The following SIAH3 variants were observed in gnomAD, a reference collection of about 807,000 sequenced individuals.
SIAH3 encodes seven in absentia homolog 3.
SIAH3 carries 9 observed loss-of-function variants against 12.6 expected under a neutral mutation model. The ratio of observed to expected loss-of-function variants is 0.72; its 90% CI spans 0.43 to 1.25. SIAH3 has a LOEUF of 1.25. SIAH3 is among the 50% of genes most tolerant of loss of function. The pLI, the probability that SIAH3 is intolerant of heterozygous loss-of-function variation, is 0.00. For missense variants in SIAH3, 390 were observed against 365.4 expected, an observed-to-expected ratio of 1.07 and a Z score of -0.55; for synonymous variants, 154 against 151.1, an observed-to-expected ratio of 1.02 and a Z score of -0.14.
At chr13:45,795,212 TGGG>T (rs1950558571) in intron 1 of SIAH3, among the ~76,000 whole-genome samples, 1 of 152,072 alleles carries the variant, frequency 6.6e-6, no homozygotes, top group Non-Finnish European at 1.5e-5. Flanking sequence ...ATTCCCAGAG[TGGG>T]TACAGAAGAT....
intron 1 of SIAH3, among the ~76,000 whole-genome samples, chr13:45,794,953 T>G (rs911551166): frequency 2.9e-5 from 1 of 34,644 alleles, no homozygotes; most frequent in African/African-American, 2.1e-4. Flanking sequence ...CACTAGGACC[T>G]TTTTTTTTTT....
At chr13:45,836,711 C>T (rs1950719141) in intron 1 of SIAH3, among the ~76,000 whole-genome samples, 1 of 152,040 alleles carries the variant, frequency 6.6e-6, no homozygotes. Context: ...TGCAGTAAAC[C>T]AACATGGGAC....
chr13:45,808,619 T>C (rs982913266), intron 1 of SIAH3, among the ~76,000 whole-genome samples: 1 of 152,356 alleles, frequency 6.6e-6, no homozygotes, highest in South Asian at 2.1e-4. Context: ...AAATAAAGAA[T>C]ATTGTATATT....
intron 1 of SIAH3, among the ~76,000 whole-genome samples, chr13:45,826,445 A>ATGAGTGGGTGCGTAGG (rs750477752): frequency 2.1e-5 from 1 of 46,512 alleles, no homozygotes; most frequent in African/African-American, 1.1e-4. Flanking sequence ...GGATGCATGG[A>ATGAGTGGGTGCGTAGG]TGGATGGATG....
chr13:45,785,551 T>A (rs1304788586), intron 1 of SIAH3, among the ~76,000 whole-genome samples: 1 of 152,212 alleles, frequency 6.6e-6, no homozygotes, highest in Non-Finnish European at 1.5e-5. Flanking sequence ...ACATGCACAG[T>A]CATGCACGCA....
intron 1 of SIAH3, among the ~76,000 whole-genome samples, chr13:45,844,307 C>T (rs1950750994): frequency 6.6e-6 from 1 of 152,162 alleles, no homozygotes; most frequent in Non-Finnish European, 1.5e-5. Flanking sequence ...AAGCTGCCCT[C>T]AGTGTTGGTG....
chr13:45,841,826 C>T (rs1178980540), intron 1 of SIAH3, among the ~76,000 whole-genome samples: 2 of 152,166 alleles, frequency 1.3e-5, no homozygotes, highest in African/African-American at 2.4e-5. Flanking sequence ...TTTGTGCCAG[C>T]GCTAGAGACA....
intron 1 of SIAH3, among the ~76,000 whole-genome samples, chr13:45,814,387 A>G (rs1416313403): frequency 1.3e-5 from 2 of 152,112 alleles, no homozygotes; most frequent in African/African-American, 2.4e-5. Context: ...GAAAAGTGCC[A>G]CGGTGTGGGG....
intron 1 of SIAH3, among the ~76,000 whole-genome samples, chr13:45,790,302 GAACAA>G (rs1950541766): frequency 6.6e-6 from 1 of 152,136 alleles, no homozygotes; most frequent in African/African-American, 2.4e-5. Context: ...ACAACTTTGT[GAACAA>G]AACTGTTTCA....
At chr13:45,806,057 G>A (rs932397182) in intron 1 of SIAH3, among the ~76,000 whole-genome samples, 2 of 151,866 alleles carry the variant, frequency 1.3e-5, no homozygotes, top group East Asian at 1.9e-4. Flanking sequence ...CTATTAAAAA[G>A]ACAAAAAATA....
At chr13:45,804,449 T>C (rs191825564) in intron 1 of SIAH3, among the ~76,000 whole-genome samples, 419 of 152,244 alleles carry the variant, frequency 2.8e-3, no homozygotes, top group Middle Eastern at 0.01. Context: ...CTAACAAATA[T>C]GGGATTTCTT....
chr13:45,792,588 C>T (rs1000055012), intron 1 of SIAH3, among the ~76,000 whole-genome samples: 1 of 152,116 alleles, frequency 6.6e-6, no homozygotes, highest in Non-Finnish European at 1.5e-5. Flanking sequence ...GAACTACTGG[C>T]CTCAAGTGAT....
intron 1 of SIAH3, among the ~76,000 whole-genome samples, chr13:45,803,007 G>A (rs959619086): frequency 2.0e-5 from 3 of 152,122 alleles, no homozygotes; most frequent in African/African-American, 7.2e-5. Flanking sequence ...GGGAGAAGGA[G>A]GTTGTAGTGA....
Position 45,801,253 on chromosome 13 carries a change from G to T in SIAH3, c.136-17196C>A, listed in dbSNP as rs180724715. ...CAAATGGCTTGAATTGCAGGAAAAG[G>T]TTTGTGTTGGGGGTGACACTTGAAA... On this transcript the variant is annotated intron_variant, in intron 1 of 1. Coordinates refer to ENST00000400405, the MANE Select transcript of SIAH3 (RefSeq NM_198849.3). 2.0e-3 allele frequency among the ~76,000 whole-genome samples: 302 copies of T among 152,316 alleles called. 1 individual carries two copies. Among genetic ancestry groups the T allele is most frequent in the Middle Eastern group, 3.4e-3 (1 of 294 alleles).
intron 1 of SIAH3, among the ~76,000 whole-genome samples, chr13:45,789,442 T>C (rs1950539133): frequency 6.6e-6 from 1 of 151,916 alleles, no homozygotes; most frequent in African/African-American, 2.4e-5. Context: ...AGTCTCACTC[T>C]GTCACCCAGG....
intron 1 of SIAH3, among the ~76,000 whole-genome samples, chr13:45,848,570 A>G (rs1950768514): frequency 6.6e-6 from 1 of 152,256 alleles, no homozygotes; most frequent in Non-Finnish European, 1.5e-5. Flanking sequence ...CTATAGAAGC[A>G]TGGTAAATAC....
intron 1 of SIAH3, among the ~76,000 whole-genome samples, chr13:45,806,838 A>C (rs1950600191): frequency 1.3e-5 from 2 of 152,332 alleles, no homozygotes; most frequent in East Asian, 3.9e-4. Flanking sequence ...TAGTGGGTAC[A>C]CTCTGGAAGC....
chr13:45,802,042 C>A (rs1271366047), intron 1 of SIAH3, among the ~76,000 whole-genome samples: 1 of 152,172 alleles, frequency 6.6e-6, no homozygotes, highest in East Asian at 1.9e-4. Context: ...TGGTGGCTCA[C>A]GCCTGTAAAA....
At chr13:45,790,057 T>C (rs1950541094) in intron 1 of SIAH3, among the ~76,000 whole-genome samples, 1 of 152,200 alleles carries the variant, frequency 6.6e-6, no homozygotes, top group South Asian at 2.1e-4. Flanking sequence ...TCCCTAAATA[T>C]CCTTGTGTCC....
Sources: gnomAD v4.1 joint callset for allele counts (sites outside exome capture counted in the v4.1 genomes callset) on GRCh38, gnomAD v4.1.1 for gene constraint, MANE v1.5 for transcripts, NCBI Gene and HGNC (gene_info 2026-07-23, HGNC 2026-07-21) for gene names.